ISLR2: variants seen among roughly 807,000 people sequenced by gnomAD.
The protein encoded by ISLR2 is immunoglobulin superfamily containing leucine rich repeat 2.
Under a neutral mutation model 25.5 loss-of-function variants are expected in ISLR2, and 16 were observed. The ratio of observed to expected loss-of-function variants is 0.63; its 90% CI spans 0.43 to 0.95. The LOEUF (loss-of-function observed/expected upper bound fraction) is 0.95, where lower values mean the gene tolerates loss of function less well. ISLR2 is among the 40% of genes least tolerant of loss of function. ISLR2 has a pLI of 0.00. For missense variants in ISLR2, 883 were observed against 1,030.7 expected, an observed-to-expected ratio of 0.86 and a Z score of 1.96; for synonymous variants, 508 against 486.6, an observed-to-expected ratio of 1.04 and a Z score of -0.58.
At position 74,133,577 on chromosome 15, in the gene ISLR2, C is replaced by G. The variant is rs2072481970; in HGVS notation, c.823C>G (p.Gln275Glu). The G allele has an allele frequency of 6.2e-7, 1 of 1,614,184 alleles. No homozygotes were observed. The highest frequency in any genetic ancestry group is 2.2e-5 in the East Asian group (1 of 44,884). The change falls in exon 3 of 3, where the codon CAG (glutamine) becomes GAG (glutamate). Residue 275 changes from glutamine (Q) to glutamate (E), a missense_variant. By Grantham distance (29) the Gln-to-Glu change is conservative. Around this residue, in one of 2 missense-constraint regions of ISLR2, gnomAD observed 271 missense variants for 387.9 expected, o/e 0.70. Transcript: ENST00000453268. ...TACGCCTCGCCTGCAATGGCAACTT[C>G]AGATCCCCGGTGGCACCGTAGTCTT... ...HPTPRLQWQL[Q>E]IPGGTVVLEP...
At chr15:74,121,391 C>T (rs1293388744) in intron 2 of ISLR2, among the ~76,000 whole-genome samples, 1 of 152,150 alleles carries the variant, frequency 6.6e-6, no homozygotes, top group African/African-American at 2.4e-5. Context: ...CCTCTGGCTT[C>T]CCCAGGAAAG....
chr15:74,115,321 C>T (rs1040141990), intron 2 of ISLR2, among the ~76,000 whole-genome samples: 1 of 152,192 alleles, frequency 6.6e-6, no homozygotes, highest in Non-Finnish European at 1.5e-5. Context: ...AGTGCTGGAA[C>T]AGAGTCCCTC....
chr15:74,120,714 C>G (rs543826356), intron 2 of ISLR2, among the ~76,000 whole-genome samples: 1 of 152,072 alleles, frequency 6.6e-6, no homozygotes, highest in East Asian at 1.9e-4. Flanking sequence ...TGACCTTGGA[C>G]AACCTGCTTA....
chr15:74,113,057 T>G (rs1021541006), intron 2 of ISLR2, among the ~76,000 whole-genome samples: 7 of 152,214 alleles, frequency 4.6e-5, no homozygotes, highest in African/African-American at 1.7e-4. Context: ...GGTATGAAAC[T>G]GTTCCACTTC....
chr15:74,106,398 C>T (rs1009008051), intron 2 of ISLR2, among the ~76,000 whole-genome samples: 1 of 152,124 alleles, frequency 6.6e-6, no homozygotes, highest in African/African-American at 2.4e-5. Flanking sequence ...CCAAGCTCTG[C>T]CTCATTATGG....
At chr15:74,140,725 G>C (rs998486249), downstream of ISLR2, among the ~76,000 whole-genome samples, 1 of 152,174 alleles carries the variant, frequency 6.6e-6, no homozygotes, top group African/African-American at 2.4e-5. Flanking sequence ...ATAGATAAGA[G>C]AAATCCTGCT....
At chr15:74,119,820 T>C (rs1179805711) in intron 2 of ISLR2, among the ~76,000 whole-genome samples, 1 of 152,100 alleles carries the variant, frequency 6.6e-6, no homozygotes, top group Non-Finnish European at 1.5e-5. Context: ...AAATTAATAA[T>C]CTAGAGCAGA....
intron 2 of ISLR2, among the ~76,000 whole-genome samples, chr15:74,111,573 G>A (rs1468138710): frequency 2.6e-5 from 4 of 151,880 alleles, no homozygotes; most frequent in Admixed American, 6.6e-5. Flanking sequence ...ATGGGTGTGA[G>A]CCACCATGCC....
chr15:74,141,610 G>A (rs1166676120), downstream of ISLR2, among the ~76,000 whole-genome samples: 1 of 152,072 alleles, frequency 6.6e-6, no homozygotes, highest in Non-Finnish European at 1.5e-5. Context: ...CTATATTTCA[G>A]GCACATACTA....
downstream of ISLR2, among the ~76,000 whole-genome samples, chr15:74,141,617 A>G (rs548405785): frequency 1.3e-5 from 2 of 152,348 alleles, no homozygotes; most frequent in African/African-American, 4.8e-5. Flanking sequence ...TCAGGCACAT[A>G]CTATGGATCT....
Position 74,133,777 on chromosome 15 carries a change from G to T in ISLR2, c.1023G>T (p.Leu341Phe), listed in dbSNP as rs367580349. 1.2e-6 allele frequency: 2 copies of T among 1,613,920 alleles called. No individual in the cohort carries two copies. Among genetic ancestry groups the T allele is most frequent in the African/African-American group, 1.3e-5 (1 of 75,058 alleles). The change falls in exon 3 of 3, where the codon TTG (leucine) becomes TTT (phenylalanine). Residue 341 changes from leucine (L) to phenylalanine (F), a missense_variant. By Grantham distance (22) the Leu-to-Phe change is conservative. This residue lies in a region of ISLR2 where 612 missense variants were observed against 642.8 expected (regional missense o/e 0.95). Transcript: ENST00000453268. ...RFLALANGSL[L>F]VPLLSAKEAG... ...TGGCCCTCGCAAATGGCTCCCTGTT[G>T]GTGCCCCTCCTGAGTGCCAAGGAGG...
chr15:74,102,166 C>A (rs1471698565), intron 1 of ISLR2, among the ~76,000 whole-genome samples: 2 of 102,612 alleles, frequency 1.9e-5, no homozygotes, highest in Admixed American at 1.1e-4. Flanking sequence ...TGCAGTGAGC[C>A]GAGATTGCAC....
At chr15:74,108,196 C>T (rs1434043597) in intron 2 of ISLR2, among the ~76,000 whole-genome samples, 1 of 152,216 alleles carries the variant, frequency 6.6e-6, no homozygotes, top group Non-Finnish European at 1.5e-5. Flanking sequence ...CCCTTTCCCA[C>T]CCAGACCAAG....
upstream of ISLR2, chr15:74,129,224 G>A (rs2072351899): frequency 2.7e-6 from 1 of 364,398 alleles, no homozygotes. This position sits in a 1 kb window ranked among gnomAD's most constrained non-coding sequence, Gnocchi z 4.5. Flanking sequence ...GGGAGAGGGA[G>A]GGACGCTTGG....
At chr15:74,129,615 G>C (rs1182411906), upstream of ISLR2, 2 of 152,478 alleles carry the variant, frequency 1.3e-5, no homozygotes, top group Non-Finnish European at 2.9e-5. This position sits in a 1 kb window ranked among gnomAD's most constrained non-coding sequence, Gnocchi z 4.5. Context: ...CAAATGCCTC[G>C]ACATCGCCGC....
chr15:74,108,441 C>T (rs1431620871), intron 2 of ISLR2, among the ~76,000 whole-genome samples: 3 of 152,138 alleles, frequency 2.0e-5, no homozygotes, highest in African/African-American at 7.2e-5. Context: ...AGGGATGAGC[C>T]CTCCCTGAGG....
intron 2 of ISLR2, among the ~76,000 whole-genome samples, chr15:74,116,400 C>T (rs952013905): frequency 4.7e-5 from 4 of 84,312 alleles, no homozygotes; most frequent in East Asian, 3.1e-4. Context: ...CTCATCTCTA[C>T]AAAAAAAAAA....
Position 74,133,411 on chromosome 15 carries a change from G to T in ISLR2, c.657G>T (p.Gly219=). ...GTGCCTCGCCTCCCGCGCTGCAGGG[G>T]GTGCCGGTGTACCGCCTGCCCGCCC... ...IACASPPALQ[G]VPVYRLPALP... The change falls in exon 3 of 3, where the codon GGG becomes GGT. Residue 219 remains glycine, a synonymous_variant. Transcript: ENST00000453268. The T allele has an allele frequency of 6.2e-7, 1 of 1,607,188 alleles. No individual in the cohort carries two copies. Among genetic ancestry groups the T allele is most frequent in the Non-Finnish European group, 8.5e-7 (1 of 1,179,670 alleles).
rs1019814721 is a variant in ISLR2, at chr15:74,132,561, G to A, written c.-8-186G>A. Among the ~76,000 whole-genome samples, 3 of 152,180 alleles carry A rather than the reference G, an allele frequency of 2.0e-5. No homozygotes were observed. Among genetic ancestry groups the A allele is most frequent in the Admixed American group, 2.0e-4 (3 of 15,284 alleles). On this transcript the variant is annotated intron_variant, in intron 2 of 2. Coordinates refer to ENST00000453268, the MANE Select transcript of ISLR2 (RefSeq NM_020851.3). This position sits in a 1 kb window ranked among gnomAD's most constrained non-coding sequence, Gnocchi z 4.3. ...GAAAAGGAAATTAGGGCCCTGGGAG[G>A]GAGCATCCGTTGAACCTCGAGATTT...
Sources: allele counts gnomAD v4.1 joint callset (sites outside exome capture counted in the v4.1 genomes callset), GRCh38; gene constraint gnomAD v4.1.1; regional missense constraint gnomAD v4.1.1; non-coding constraint Gnocchi (gnomAD v3.1); transcripts MANE v1.5; gene names NCBI Gene and HGNC (gene_info 2026-07-23, HGNC 2026-07-21).